Variants in TACC2 observed in about 807,000 individuals in gnomAD.
TACC2 encodes transforming acidic coiled-coil-containing protein 2.
Under a neutral mutation model 227.3 loss-of-function variants are expected in TACC2, and 137 were observed. That is an observed-to-expected ratio of 0.60 (90% confidence interval 0.52 to 0.69). TACC2 has a LOEUF of 0.69. Ranked by LOEUF, TACC2 falls within the 30% of genes least tolerant of loss-of-function variation. The pLI is 0.00. For synonymous variants in TACC2, 1,523 were observed against 1,487.5 expected, an observed-to-expected ratio of 1.02 and a Z score of -0.55; for missense variants, 3,470 against 3,694.4, an observed-to-expected ratio of 0.94 and a Z score of 1.57.
chr10:122,253,319 G>A (rs529281827), intron 22 of TACC2, among the ~76,000 whole-genome samples: 10 of 152,286 alleles, frequency 6.6e-5, no homozygotes, highest in Non-Finnish European at 1.3e-4. Context: ...AAAGCCACAC[G>A]TCCATGATGG....
intron 22 of TACC2, among the ~76,000 whole-genome samples, chr10:122,251,673 C>T (rs1167521316): frequency 1.3e-5 from 2 of 152,182 alleles, no homozygotes; most frequent in Non-Finnish European, 2.9e-5. Context: ...AAGTAGCCAG[C>T]TGCATTGCAG....
In TACC2 at chr10:122,021,943, C is replaced by A; in HGVS notation, c.-39C>A. 6.2e-6 allele frequency: 10 copies of A among 1,612,314 alleles called. No homozygotes were observed. The highest frequency in any genetic ancestry group is 8.5e-6 in the Non-Finnish European group (10 of 1,178,436). ...ACCCTTTTGTTTCTTCCAGTCACCT[C>A]TGACAAAATTCTGGGGACGCTGGGA... On this transcript the variant is annotated 5_prime_UTR_variant, in exon 2 of 23. It adds an upstream start codon to the 5' untranslated region. Transcript: ENST00000369005.
intron 3 of TACC2, among the ~76,000 whole-genome samples, chr10:122,060,291 G>T (rs960109691): frequency 2.6e-5 from 4 of 152,096 alleles, no homozygotes; most frequent in African/African-American, 4.8e-5. Flanking sequence ...GGTCAAAGAA[G>T]GGGCCCAGGT....
rs1216763677 is a variant in TACC2, at chr10:122,085,680, G to C, written c.3180G>C (p.Leu1060=). 6.2e-7 allele frequency: 1 copy of C among 1,613,686 alleles called. No homozygotes were observed. The highest frequency in any genetic ancestry group is 8.5e-7 in the Non-Finnish European group (1 of 1,180,026). Residue 1060 remains leucine, a synonymous_variant, in exon 4 of 23, where the codon CTG becomes CTC. Coordinates refer to ENST00000369005, the MANE Select transcript of TACC2 (RefSeq NM_206862.4). ...CTCTCCTGGATGCAGTTCCCTGCCT[G>C]CCAGCCCTGGCGCCCGCCAGCCCCG... ...SVALLDAVPC[L]PALAPASPGV...
intron 7 of TACC2, chr10:122,163,775 G>C (rs2092975848): frequency 3.3e-6 from 4 of 1,219,590 alleles, no homozygotes; most frequent in African/African-American, 3.2e-5. Context: ...CCCTGCCGCC[G>C]CTCCCGCCGC....
chr10:121,998,642 TA>T (rs1292172867), intron 1 of TACC2, among the ~76,000 whole-genome samples: 1 of 152,090 alleles, frequency 6.6e-6, no homozygotes, highest in Admixed American at 6.6e-5. Flanking sequence ...ATTTGTGACC[TA>T]AAAAGGGGAA....
At chr10:122,133,960 C>T (rs1292356624) in intron 6 of TACC2, among the ~76,000 whole-genome samples, 5 of 152,158 alleles carry the variant, frequency 3.3e-5, no homozygotes, top group African/African-American at 1.2e-4. Context: ...GGGGCTGGCC[C>T]GTGCTGACCC....
intron 3 of TACC2, among the ~76,000 whole-genome samples, chr10:122,069,066 C>G (rs377440757): frequency 6.6e-6 from 1 of 151,984 alleles, no homozygotes; most frequent in African/African-American, 2.4e-5. Flanking sequence ...CAGTCCTCCC[C>G]TCTCTAGTAT....
chr10:122,085,737 AG>A lies in TACC2; in HGVS notation c.3238del (p.Glu1080ArgfsTer76). The A allele has an allele frequency of 6.2e-7, 1 of 1,613,736 alleles. No homozygotes were observed. The highest frequency in any genetic ancestry group is 8.5e-7 in the Non-Finnish European group (1 of 1,179,900). On this transcript the variant is annotated frameshift_variant, in exon 4 of 23. Transcript: ENST00000369005. LOFTEE classifies it high-confidence loss of function. ...CACCCACCCAGGATGCCCCAGAGACAGAGGCATGTGATGAAACCCAGGAAGG... is the reference window on the plus strand; with the variant it reads ...CACCCACCCAGGATGCCCCAGAGACAAGGCATGTGATGAAACCCAGGAAGG... ...VTPTQDAPET[E>X]ACDETQEGRQ...
chr10:122,055,738 C>CA, intron 3 of TACC2, among the ~76,000 whole-genome samples: 1 of 152,276 alleles, frequency 6.6e-6, no homozygotes, highest in African/African-American at 2.4e-5. Context: ...AAACAAAACC[C>CA]AAAAAATGGC....
Position 122,083,222 on chromosome 10 carries a change from A to G in TACC2, c.722A>G (p.Gln241Arg), listed in dbSNP as rs1202928711. Residue 241 changes from glutamine to arginine, a missense_variant, in exon 4 of 23, where the codon CAG becomes CGG. This residue lies in a region of TACC2 where 405 missense variants were observed against 389.6 expected (regional missense o/e 1.04). Transcript: ENST00000369005. ...GGCTTTCCCCCTGCAGAGTCCAGGCAGGGGGTGGCTTCTGTGCAAGTGACC... is the reference window on the plus strand; with the variant it reads ...GGCTTTCCCCCTGCAGAGTCCAGGCGGGGGGTGGCTTCTGTGCAAGTGACC... ...AGGFPPAESR[Q>R]GVASVQVTPE... 3 of 1,613,352 alleles carry G rather than the reference A, an allele frequency of 1.9e-6. No homozygotes were observed. The highest frequency in any genetic ancestry group is 2.5e-6 in the Non-Finnish European group (3 of 1,179,976).
chr10:122,027,661 TA>T (rs1449185924), intron 2 of TACC2, among the ~76,000 whole-genome samples: 16 of 152,188 alleles, frequency 1.1e-4, no homozygotes, highest in Non-Finnish European at 2.2e-4. Context: ...TATTCTTTTC[TA>T]AAATTGTTTT....
At chr10:122,131,892 G>A (rs987027798) in intron 5 of TACC2, among the ~76,000 whole-genome samples, 1 of 151,958 alleles carries the variant, frequency 6.6e-6, no homozygotes, top group African/African-American at 2.4e-5. Context: ...CGTGGTGGTG[G>A]GTGCCTATAA....
intron 14 of TACC2, among the ~76,000 whole-genome samples, chr10:122,228,984 A>G (rs537968847): frequency 5.0e-4 from 76 of 152,140 alleles, no homozygotes; most frequent in African/African-American, 1.7e-3. Flanking sequence ...ATATATATAT[A>G]TTTGGAAGTA....
At chr10:122,047,248 CA>C (rs1383275680) in intron 2 of TACC2, among the ~76,000 whole-genome samples, 3 of 127,424 alleles carry the variant, frequency 2.4e-5, no homozygotes, top group Non-Finnish European at 4.7e-5. Context: ...GAGATGGTGC[CA>C]CCAAACTCCA....
At chr10:122,092,769 G>A (rs529689628) in intron 5 of TACC2, among the ~76,000 whole-genome samples, 2 of 152,282 alleles carry the variant, frequency 1.3e-5, no homozygotes, top group East Asian at 3.9e-4. Flanking sequence ...TGAGAAGCAG[G>A]AACTCACAAT....
intron 1 of TACC2, among the ~76,000 whole-genome samples, chr10:121,991,604 A>G (rs1953029282): frequency 6.6e-6 from 1 of 152,212 alleles, no homozygotes; most frequent in African/African-American, 2.4e-5. Flanking sequence ...TAGAAACTGC[A>G]CTCACACTGT....
chr10:122,054,679 G>C (rs911315886), intron 3 of TACC2, among the ~76,000 whole-genome samples: 3 of 152,200 alleles, frequency 2.0e-5, no homozygotes, highest in Non-Finnish European at 4.4e-5. Flanking sequence ...GCAGTGTTTC[G>C]AGATGACCGG....
At chr10:122,025,981 A>G (rs1957946036) in intron 2 of TACC2, among the ~76,000 whole-genome samples, 1 of 151,816 alleles carries the variant, frequency 6.6e-6, no homozygotes, top group Non-Finnish European at 1.5e-5. Context: ...ATTCTGTAAC[A>G]TGTCTTTTCG....
Sources: gnomAD v4.1 joint callset for allele counts (sites outside exome capture counted in the v4.1 genomes callset) on GRCh38, gnomAD v4.1.1 for gene constraint, gnomAD v4.1.1 regional missense constraint, MANE v1.5 for transcripts, NCBI Gene and HGNC (gene_info 2026-07-23, HGNC 2026-07-21) for gene names.